VSIG10: variants seen among roughly 807,000 people sequenced by gnomAD.
The protein encoded by VSIG10 is V-set and immunoglobulin domain containing 10, also known as V-set and immunoglobulin domain-containing protein 10.
VSIG10 carries 48 observed loss-of-function variants against 58.7 expected under a neutral mutation model. That is an observed-to-expected ratio of 0.82 (90% CI 0.65 to 1.04). The LOEUF is 1.04. Among genes scored for constraint, VSIG10 ranks in the 50% least tolerant of loss-of-function variants. The probability of loss-of-function intolerance (pLI) is 0.00; values close to 1 mark genes in which losing one functional copy is unlikely to be tolerated. For missense variants in VSIG10, 628 were observed against 670.0 expected (o/e 0.94, Z 0.69); for synonymous variants, 260 against 267.1 (o/e 0.97, Z 0.26).
At chr12:118,067,586 C>T (rs1486830138) in intron 8 of VSIG10, among the ~76,000 whole-genome samples, 1 of 151,798 alleles carries the variant, frequency 6.6e-6, no homozygotes, top group Non-Finnish European at 1.5e-5. Context: ...GCCTTGGTCT[C>T]CCAAGTAGCT....
intron 4 of VSIG10, among the ~76,000 whole-genome samples, chr12:118,075,777 GTTA>G (rs1320114817): frequency 1.3e-5 from 2 of 151,880 alleles, no homozygotes; most frequent in Non-Finnish European, 2.9e-5. Flanking sequence ...CAGCAACCCT[GTTA>G]TTATGCCCAT....
intron 4 of VSIG10, among the ~76,000 whole-genome samples, chr12:118,074,539 T>C (rs1030214227): frequency 2.6e-5 from 4 of 151,898 alleles, no homozygotes; most frequent in African/African-American, 9.7e-5. Flanking sequence ...AGTGCAGTGA[T>C]GCAATCTCAG....
intron 8 of VSIG10, 146 bp downstream of exon 8, chr12:118,068,231 C>T (rs1223223506): frequency 1.7e-5 from 6 of 356,338 alleles, no homozygotes; most frequent in South Asian, 9.3e-5. Context: ...GACAGAGTCT[C>T]ACCATGTTGC....
Position 118,066,714 on chromosome 12 carries a change from C to G in VSIG10, c.1568-20G>C, listed in dbSNP as rs757595771. ...TGTCATCTGTATGGGGGGAAATAAA[C>G]CCAATGCTTTGTAATCAGAGTGTGA... On this transcript the variant is annotated intron_variant, in intron 8 of 8. Coordinates refer to ENST00000359236, the MANE Select transcript of VSIG10 (RefSeq NM_019086.6). The G allele has an allele frequency of 3.2e-6, 5 of 1,578,198 alleles. No homozygotes were observed. The East Asian group carries it at 9.2e-5, about 29-fold the overall frequency.
chr12:118,095,602 C>A lies in VSIG10; in HGVS notation c.292G>T (p.Glu98Ter). The change falls in exon 2 of 9, where the codon GAG (glutamate) becomes TAG (stop). Residue 98 changes from glutamate (E) to a stop codon, truncating the protein, a stop_gained. Transcript: ENST00000359236. LOFTEE classifies it high-confidence loss of function. ...LHIESLSLGDEGIYTCQEILN... is the reference protein window; with the variant it reads ...LHIESLSLGD ...ATCTCCTGGCAGGTGTAGATTCCCT[C>A]ATCTCCCAGGCTCAGCGATTCAATG... 6.2e-7 allele frequency: 1 copy of A among 1,613,560 alleles called. No individual in the cohort carries two copies. The highest frequency in any genetic ancestry group is 8.5e-7 in the Non-Finnish European group (1 of 1,179,768).
chr12:118,073,305 G>A (rs1257333938), intron 5 of VSIG10, among the ~76,000 whole-genome samples: 4 of 152,100 alleles, frequency 2.6e-5, no homozygotes, highest in Non-Finnish European at 4.4e-5. Context: ...GATTACAGGC[G>A]TGAGCCACTG....
intron 2 of VSIG10, among the ~76,000 whole-genome samples, chr12:118,083,446 C>G (rs2033028805): frequency 6.6e-6 from 1 of 151,638 alleles, no homozygotes; most frequent in Non-Finnish European, 1.5e-5. Flanking sequence ...GGCGTGGTGG[C>G]ACACACCTGT....
At chr12:118,099,946 A>G (rs1331163899) in intron 1 of VSIG10, among the ~76,000 whole-genome samples, 1 of 152,216 alleles carries the variant, frequency 6.6e-6, no homozygotes, top group African/African-American at 2.4e-5. Context: ...CCAAGTCAGG[A>G]TGAAAACAAA....
rs1205141040 is a variant in VSIG10 at position 118,069,423 on chromosome 12, TTC to T, written c.1347-828_1347-827del. On this transcript the variant is annotated intron_variant, in intron 7 of 8. Coordinates refer to ENST00000359236, the MANE Select transcript of VSIG10 (RefSeq NM_019086.6). ...TGTGCATTTCTTCTTCTTCTTCTTC[TTC>T]TTTTTTTTTTTTTTTTTGAGACAGA... is the stretch of plus-strand genomic sequence containing the variant. Among the ~76,000 whole-genome samples, 15 of 65,550 alleles carry T rather than the reference TTC, an allele frequency of 2.3e-4. No homozygotes were observed. In the East Asian group the frequency reaches 4.4e-3, roughly 19 times the overall value. 43.0% of individuals were successfully genotyped at this position (65,550 alleles called of 152,430 possible). A position where few individuals can be genotyped will look rare whatever the true frequency, so the allele number is the denominator to read the frequency against.
intron 2 of VSIG10, among the ~76,000 whole-genome samples, chr12:118,084,932 T>C (rs990328505): frequency 6.6e-6 from 1 of 152,140 alleles, no homozygotes; most frequent in African/African-American, 2.4e-5. Flanking sequence ...GGCAGGAGAA[T>C]GGTGTGAACC....
intron 4 of VSIG10, among the ~76,000 whole-genome samples, chr12:118,078,245 G>A (rs996309020): frequency 1.3e-4 from 20 of 152,030 alleles, no homozygotes; most frequent in South Asian, 2.1e-4. Flanking sequence ...TGGAAGCTCC[G>A]CCTCCTGGGT....
At chr12:118,089,157 C>T (rs916946157) in intron 2 of VSIG10, among the ~76,000 whole-genome samples, 5 of 151,900 alleles carry the variant, frequency 3.3e-5, no homozygotes, top group Non-Finnish European at 5.9e-5. Context: ...CCATGTTGGC[C>T]AGGCTGGTCT....
At chr12:118,096,366 G>A (rs1386144872) in intron 1 of VSIG10, among the ~76,000 whole-genome samples, 1 of 150,090 alleles carries the variant, frequency 6.7e-6, no homozygotes, top group South Asian at 2.2e-4. Flanking sequence ...ATCACCTGAG[G>A]TCAGGAGTTC....
intron 2 of VSIG10, among the ~76,000 whole-genome samples, chr12:118,083,727 G>T (rs1372411105): frequency 6.6e-6 from 1 of 152,052 alleles, no homozygotes; most frequent in Non-Finnish European, 1.5e-5. Context: ...TGTTGCCCAG[G>T]CTGGTCTTGG....
rs1306343087 is a variant in VSIG10, at chr12:118,079,403, A to C, written c.868T>G (p.Cys290Gly). 6.2e-7 allele frequency: 1 copy of C among 1,613,842 alleles called. No individual in the cohort carries two copies. The highest frequency in any genetic ancestry group is 8.5e-7 in the Non-Finnish European group (1 of 1,179,896). ...SQLSDGKKFK[C>G]VTSHIVGPES... ...GGCCCAACTATGTGGCTTGTAACAC[A>C]CTTGAACTTCTTGCCATCCGACAGC... The change falls in exon 4 of 9, where the codon TGT becomes GGT. Residue 290 changes from cysteine (C) to glycine (G), a missense_variant. Transcript: ENST00000359236.
At position 118,103,659 on chromosome 12, in the gene VSIG10, C is replaced by A. The variant is rs960012481; in HGVS notation, c.13G>T (p.Gly5Cys). ...AGGACGCGGGGCTCGGGCGCACTGC[C>A]GCCTGCGGCCATCTCGCCCCAGATC... MAAG[G>C]SAPEPRVLVC... Residue 5 changes from glycine to cysteine, a missense_variant, in exon 1 of 9, where the codon GGC becomes TGC. By Grantham distance (159) the Gly-to-Cys change is radical. Coordinates refer to ENST00000359236, the MANE Select transcript of VSIG10 (RefSeq NM_019086.6). 7 of 1,497,312 alleles carry A rather than the reference C, an allele frequency of 4.7e-6. No individual in the cohort carries two copies. In the African/African-American group the frequency reaches 5.8e-5, roughly 12 times the overall value. 92.8% of individuals were successfully genotyped at this position (1,497,312 alleles called of 1,614,324 possible).
chr12:118,094,905 T>G (rs984112402), intron 2 of VSIG10, among the ~76,000 whole-genome samples: 1 of 131,244 alleles, frequency 7.6e-6, no homozygotes, highest in Non-Finnish European at 1.5e-5. Context: ...CCTGGCGAAT[T>G]TTTTTTTTTT....
chr12:118,093,010 C>T (rs1395099176), intron 2 of VSIG10, among the ~76,000 whole-genome samples: 1 of 151,858 alleles, frequency 6.6e-6, no homozygotes, highest in African/African-American at 2.4e-5. Context: ...TCATAATTGG[C>T]TGGGCATGGT....
chr12:118,103,299 C>T (rs1034778352), intron 1 of VSIG10: 1 of 343,460 alleles, frequency 2.9e-6, no homozygotes, highest in Non-Finnish European at 5.2e-6. Context: ...TCCCGGCACA[C>T]GTGCCTCTTT....
Sources: allele counts gnomAD v4.1 joint callset (sites outside exome capture counted in the v4.1 genomes callset), GRCh38; gene constraint gnomAD v4.1.1; transcripts MANE v1.5; gene names NCBI Gene and HGNC (gene_info 2026-07-23, HGNC 2026-07-21).